Variants in ZNF644 observed in about 807,000 individuals in gnomAD.
ZNF644 encodes zinc finger motif enhancer binding protein 2.
A neutral mutation model predicts 108.0 loss-of-function variants in ZNF644; 20 were observed. That is an observed-to-expected ratio of 0.19 (90% CI 0.13 to 0.27). The LOEUF is 0.27. Ranked by LOEUF, ZNF644 falls within the 10% of genes least tolerant of loss-of-function variation. ZNF644 has a pLI of 1.00. For missense variants in ZNF644, 1,338 were observed against 1,548.9 expected (o/e 0.86, Z 2.29); for synonymous variants, 542 against 539.1 (o/e 1.01, Z -0.08).
intron 2 of ZNF644, among the ~76,000 whole-genome samples, chr1:90,956,566 C>T (rs1653773003): frequency 6.6e-6 from 1 of 152,046 alleles, no homozygotes; most frequent in African/African-American, 2.4e-5. Flanking sequence ...AAATTTACAG[C>T]TGTAAATACC....
chr1:91,008,783 CTT>C (rs1414777736), intron 1 of ZNF644, among the ~76,000 whole-genome samples: 2 of 152,188 alleles, frequency 1.3e-5, no homozygotes. Context: ...CTATTAACGT[CTT>C]TACTTGCTGC....
intron 2 of ZNF644, 93 bp downstream of exon 2, chr1:90,982,217 G>C (rs1338873681): frequency 2.9e-6 from 3 of 1,027,490 alleles, no homozygotes; most frequent in Non-Finnish European, 4.4e-6. Flanking sequence ...AAAACTCTTT[G>C]GTTCTGAACT....
chr1:91,015,261 G>C (rs1660330888), intron 1 of ZNF644, among the ~76,000 whole-genome samples: 1 of 152,130 alleles, frequency 6.6e-6, no homozygotes, highest in African/African-American at 2.4e-5. Flanking sequence ...TAAAGAGGGG[G>C]AACTGATAAC....
chr1:90,986,925 C>T (rs753321353), intron 1 of ZNF644, among the ~76,000 whole-genome samples: 1 of 151,528 alleles, frequency 6.6e-6, no homozygotes. Context: ...TCTTACCCAA[C>T]CAATGGGTCA....
At chr1:90,951,774 C>G (rs1315459368) in intron 2 of ZNF644, among the ~76,000 whole-genome samples, 1 of 152,188 alleles carries the variant, frequency 6.6e-6, no homozygotes, top group East Asian at 1.9e-4. Context: ...TCCTCTAATA[C>G]TAAGTTTCAC....
intron 1 of ZNF644, chr1:91,020,651 G>A (rs1466525056): frequency 6.6e-6 from 1 of 152,152 alleles, no homozygotes. Flanking sequence ...GCAACTGAAG[G>A]CAAACAGCCA....
In ZNF644 at chr1:90,939,061, C is replaced by T; in HGVS notation, c.2293G>A (p.Glu765Lys). 6.2e-7 allele frequency: 1 copy of T among 1,613,930 alleles called. No individual in the cohort carries two copies. Among genetic ancestry groups the T allele is most frequent in the Non-Finnish European group, 8.5e-7 (1 of 1,179,898 alleles). Residue 765 changes from glutamate (E) to lysine (K), a missense_variant, in exon 3 of 6, where the codon GAA (glutamate) becomes AAA (lysine). Transcript: ENST00000337393. ...TGTAAAGAATTTAATGAACTAGCTT[C>T]TTCTTTTTTGAAATGCACAGGATAT... is the stretch of plus-strand genomic sequence containing the variant. ...ESYPVHFKKE[E>K]ASSLNSLHLF...
chr1:90,948,243 T>C (rs1413803548), intron 2 of ZNF644, among the ~76,000 whole-genome samples: 2 of 152,214 alleles, frequency 1.3e-5, no homozygotes, highest in Non-Finnish European at 2.9e-5. Context: ...CAGGAAATGC[T>C]AGGAATTTGT....
chr1:90,940,568 T>G lies in ZNF644; in HGVS notation c.786A>C (p.Gln262His), dbSNP rs759220470. The change falls in exon 3 of 6, where the codon CAA becomes CAC. Residue 262 changes from glutamine (Q) to histidine (H), a missense_variant. Transcript: ENST00000337393. Reference sequence around the variant, plus strand: ...TCATAAGAAATTGAATGAACTCTTTTTGGGGATCCCAGTTTGTATCATTTT... The same window carrying G: ...TCATAAGAAATTGAATGAACTCTTTGTGGGGATCCCAGTTTGTATCATTTT... ...RSENDTNWDP[Q>H]KEFIQFLMTN... The G allele has an allele frequency of 6.2e-7, 1 of 1,614,050 alleles. No homozygotes were observed. Among genetic ancestry groups the G allele is most frequent in the Admixed American group, 1.7e-5 (1 of 60,006 alleles).
At chr1:90,989,027 C>T (rs1657383247) in intron 1 of ZNF644, among the ~76,000 whole-genome samples, 1 of 152,156 alleles carries the variant, frequency 6.6e-6, no homozygotes, top group East Asian at 1.9e-4. Context: ...AATGGAATTA[C>T]ATTAAAAGTT....
Position 90,938,967 on chromosome 1 carries a change from C to A in ZNF644, c.2387G>T (p.Arg796Met). The A allele has an allele frequency of 6.2e-7, 1 of 1,613,954 alleles. No homozygotes were observed. The highest frequency in any genetic ancestry group is 8.5e-7 in the Non-Finnish European group (1 of 1,179,932). ...TCTGTGATCTTTGAAGCTTTCAGGC[C>A]TTTTGGCGTCAGGCTTATGAGGGTC... ...ISDPHKPDAK[R>M]PESFKDHRRV... is the part of the protein sequence containing the mutation. Residue 796 changes from arginine to methionine, a missense_variant, in exon 3 of 6, where the codon AGG becomes ATG. Physicochemically the swap from Arg to Met is moderately conservative, Grantham distance 91. This residue lies in a region of ZNF644 where 462 missense variants were observed against 472.6 expected (regional missense o/e 0.98). Transcript: ENST00000337393. This position sits in a 1 kb window ranked among gnomAD's most constrained non-coding sequence, Gnocchi z 4.2.
intron 2 of ZNF644, among the ~76,000 whole-genome samples, chr1:90,961,325 T>G (rs528675520): frequency 6.6e-6 from 1 of 152,176 alleles, no homozygotes; most frequent in South Asian, 2.1e-4. Flanking sequence ...TTTACTTAAT[T>G]TATTAACAGT....
At chr1:90,949,785 G>GT (rs2101032580) in intron 2 of ZNF644, among the ~76,000 whole-genome samples, 1 of 152,260 alleles carries the variant, frequency 6.6e-6, no homozygotes, top group East Asian at 1.9e-4. Flanking sequence ...CATCATTGGA[G>GT]TTTGGTATTC....
At chr1:91,021,311 T>G (rs1660882162) in intron 1 of ZNF644, 1 of 152,472 alleles carries the variant, frequency 6.6e-6, no homozygotes, top group African/African-American at 2.4e-5. Context: ...CCGCATAAGA[T>G]CTTGCAGGAC....
At chr1:90,925,309 T>C (rs1174923705) in intron 4 of ZNF644, among the ~76,000 whole-genome samples, 1 of 152,214 alleles carries the variant, frequency 6.6e-6, no homozygotes, top group African/African-American at 2.4e-5. Context: ...GAACAATGTA[T>C]AGCCAATCGA....
chr1:91,014,085 T>C lies in ZNF644; in HGVS notation c.-18+7905A>G, dbSNP rs537926703. Among the ~76,000 whole-genome samples the C allele has an allele frequency of 3.9e-5, 6 of 152,304 alleles. No homozygotes were observed. The East Asian group carries it at 9.6e-4, about 24-fold the overall frequency. On this transcript the variant is annotated intron_variant, in intron 1 of 5. Transcript: ENST00000337393. ...CTTAAACTGATAAATACAAATTGTA[T>C]ATATTTATGGTGTACAACACATTTT...
intron 2 of ZNF644, among the ~76,000 whole-genome samples, chr1:90,951,204 C>G (rs1316659305): frequency 6.6e-6 from 1 of 152,196 alleles, no homozygotes; most frequent in East Asian, 1.9e-4. Flanking sequence ...TCCTTACACA[C>G]TTACCATCTA....
intron 4 of ZNF644, among the ~76,000 whole-genome samples, chr1:90,925,897 C>T (rs969451984): frequency 3.3e-5 from 5 of 152,124 alleles, no homozygotes; most frequent in African/African-American, 1.2e-4. Flanking sequence ...ACTGAATGGA[C>T]ACCCTCCTCT....
At chr1:91,011,157 C>T (rs1659927581) in intron 1 of ZNF644, among the ~76,000 whole-genome samples, 1 of 152,126 alleles carries the variant, frequency 6.6e-6, no homozygotes, top group Non-Finnish European at 1.5e-5. Context: ...GCCTTCTATA[C>T]TTCACAAAAG....
Sources: allele counts gnomAD v4.1 joint callset (sites outside exome capture counted in the v4.1 genomes callset), GRCh38; gene constraint gnomAD v4.1.1; regional missense constraint gnomAD v4.1.1; non-coding constraint Gnocchi (gnomAD v3.1); transcripts MANE v1.5; gene names NCBI Gene and HGNC (gene_info 2026-07-23, HGNC 2026-07-21).